TRERF1: variants seen among roughly 807,000 people sequenced by gnomAD.
The protein encoded by TRERF1 is transcriptional-regulating factor 1.
A neutral mutation model predicts 122.9 loss-of-function variants in TRERF1; 27 were observed. The ratio of observed to expected loss-of-function variants is 0.22; its 90% CI spans 0.16 to 0.30. The LOEUF is 0.30. TRERF1 is among the 10% of genes least tolerant of loss of function. The pLI is 1.00. For synonymous variants in TRERF1, 636 were observed against 641.7 expected (o/e 0.99, Z 0.13); for missense variants, 1,248 against 1,560.3 (o/e 0.80, Z 3.37).
Position 42,417,586 on chromosome 6 carries a change from G to A in TRERF1, c.-454+33591C>T, listed in dbSNP as rs73733194. 6.1e-3 allele frequency among the ~76,000 whole-genome samples: 923 copies of A among 152,268 alleles called. 8 individuals carry two copies. Among genetic ancestry groups the A allele is most frequent in the African/African-American group, 0.021 (892 of 41,520 alleles). On this transcript the variant is annotated intron_variant, in intron 2 of 17. Transcript: ENST00000372922. ...GTCCAAGGGTATAAAGAGGAGGAAC[G>A]ACTGGCCGGCCAGGAAACCCACATC...
chr6:42,410,464 T>C lies in TRERF1; in HGVS notation c.-454+40713A>G, dbSNP rs78510943. On this transcript the variant is annotated intron_variant, in intron 2 of 17. Coordinates refer to ENST00000372922, the Ensembl canonical transcript of TRERF1. ...GTACCTGATCTCAACACTCATTTTT[T>C]AAAGAGCCCATTCAGTGACCATAAA... Among the ~76,000 whole-genome samples, 1,230 of 152,282 alleles carry C rather than the reference T, an allele frequency of 8.1e-3. 15 individuals are homozygous for C. The highest frequency in any genetic ancestry group is 0.028 in the African/African-American group (1,181 of 41,544).
intron 3 of TRERF1, among the ~76,000 whole-genome samples, chr6:42,329,296 G>A (rs886086836): frequency 4.1e-4 from 62 of 152,088 alleles, no homozygotes; most frequent in Admixed American, 1.1e-3. Flanking sequence ...TGGCCAGGGT[G>A]GGGTGGGGGC....
At chr6:42,385,449 T>C (rs1205437853) in intron 2 of TRERF1, among the ~76,000 whole-genome samples, 2 of 152,204 alleles carry the variant, frequency 1.3e-5, no homozygotes, top group Non-Finnish European at 2.9e-5. Context: ...ACCCTGAAGT[T>C]ACGTGGACAG....
intron 2 of TRERF1, among the ~76,000 whole-genome samples, chr6:42,368,642 A>G (rs1773198196): frequency 6.6e-6 from 1 of 152,184 alleles, no homozygotes; most frequent in Non-Finnish European, 1.5e-5. Flanking sequence ...ACAAATAGAG[A>G]TGGCCCCAGG....
intron 4 of TRERF1, among the ~76,000 whole-genome samples, chr6:42,270,352 C>CA (rs1780002751): frequency 6.6e-6 from 1 of 152,192 alleles, no homozygotes; most frequent in African/African-American, 2.4e-5. Flanking sequence ...CTCAGTAGTT[C>CA]ATTGATTTGT....
At chr6:42,403,272 G>A (rs1180269477) in intron 2 of TRERF1, among the ~76,000 whole-genome samples, 1 of 152,112 alleles carries the variant, frequency 6.6e-6, no homozygotes, top group African/African-American at 2.4e-5. Flanking sequence ...ATCTTAGAAT[G>A]TGATTTTATT....
chr6:42,277,905 GGAAGAAGAA>G (rs70987587), intron 4 of TRERF1, among the ~76,000 whole-genome samples: 7,858 of 84,826 alleles, frequency 0.093, 431 homozygotes, highest in Admixed American at 0.1. Flanking sequence ...GAAGGAAGAA[GGAAGAAGAA>G]GAAGAAGAAG....
chr6:42,258,986 C>A (rs940770125), intron 9 of TRERF1, among the ~76,000 whole-genome samples: 2 of 152,124 alleles, frequency 1.3e-5, no homozygotes, highest in Admixed American at 6.6e-5. Context: ...CCACCCGCCT[C>A]GACCTCCGAA....
chr6:42,322,635 G>A (rs1010221771), intron 3 of TRERF1, among the ~76,000 whole-genome samples: 1 of 152,162 alleles, frequency 6.6e-6, no homozygotes, highest in Non-Finnish European at 1.5e-5. Context: ...AAGTTATAGA[G>A]GTGTGGGGAG....
intron 2 of TRERF1, among the ~76,000 whole-genome samples, chr6:42,375,349 C>G (rs1285599146): frequency 6.6e-6 from 1 of 152,222 alleles, no homozygotes; most frequent in African/African-American, 2.4e-5. Context: ...CCGGAGCCAC[C>G]CTTTGCTCAT....
At chr6:42,359,421 A>G (rs1417568563) in intron 3 of TRERF1, among the ~76,000 whole-genome samples, 1 of 152,208 alleles carries the variant, frequency 6.6e-6, no homozygotes, top group Non-Finnish European at 1.5e-5. Context: ...CAGAGCCTCC[A>G]GACTGAGAAT....
At chr6:42,396,908 T>C (rs1291234802) in intron 2 of TRERF1, among the ~76,000 whole-genome samples, 1 of 152,054 alleles carries the variant, frequency 6.6e-6, no homozygotes, top group Middle Eastern at 3.2e-3. Flanking sequence ...TACACACCCA[T>C]ACACACACCC....
intron 2 of TRERF1, among the ~76,000 whole-genome samples, chr6:42,445,722 C>T (rs1439183473): frequency 3.3e-5 from 5 of 152,088 alleles, no homozygotes; most frequent in South Asian, 4.1e-4. Flanking sequence ...CCCACAGCAG[C>T]CCTGCCCATT....
In TRERF1 at chr6:42,372,827, C is replaced by T. The variant is rs1310979015; in HGVS notation, c.-453-9748G>A. ...ATCCCAAGCAGTGGGCCAGCACACA[C>T]GTGGCACTGACCACAGGGTGGGTGG... On this transcript the variant is annotated intron_variant, in intron 2 of 17. Coordinates refer to ENST00000372922, the Ensembl canonical transcript of TRERF1. Among the ~76,000 whole-genome samples, 12 of 152,186 alleles carry T rather than the reference C, an allele frequency of 7.9e-5. No homozygotes were observed. In the East Asian group the frequency reaches 1.9e-3, roughly 24 times the overall value.
At chr6:42,423,727 A>T (rs1017919328) in intron 2 of TRERF1, among the ~76,000 whole-genome samples, 5 of 150,184 alleles carry the variant, frequency 3.3e-5, no homozygotes, top group Admixed American at 1.3e-4. Context: ...CGGGTTATTT[A>T]AAAAAAAAAG....
intron 2 of TRERF1, among the ~76,000 whole-genome samples, chr6:42,396,296 C>T (rs921943763): frequency 2.0e-5 from 3 of 152,152 alleles, no homozygotes; most frequent in African/African-American, 4.8e-5. Flanking sequence ...CCCCTTGCTC[C>T]GACCGACTGA....
chr6:42,367,876 A>C (rs1385875190), intron 2 of TRERF1, among the ~76,000 whole-genome samples: 1 of 151,932 alleles, frequency 6.6e-6, no homozygotes, highest in East Asian at 1.9e-4. Flanking sequence ...CCCATCCCCG[A>C]TCTGATCTCC....
chr6:42,249,046 A>G (rs1340303782), intron 13 of TRERF1, among the ~76,000 whole-genome samples: 1 of 152,226 alleles, frequency 6.6e-6, no homozygotes, highest in African/African-American at 2.4e-5. Context: ...GGAGTCAGAA[A>G]GATAATGATG....
Position 42,228,199 on chromosome 6 carries a change from G to C in TRERF1, c.*146C>G. On this transcript the variant is annotated 3_prime_UTR_variant, in exon 18 of 18. Transcript: ENST00000372922. The surrounding 1 kb of genome is among the most constrained non-coding windows in gnomAD (Gnocchi z 4.2). Reference sequence around the variant, plus strand: ...TTTTAAATAAAAGGAAAAGAAATAGGATTTTTTTTTCTAAACCTGAATAAA... The same window carrying C: ...TTTTAAATAAAAGGAAAAGAAATAGCATTTTTTTTTCTAAACCTGAATAAA... The C allele has an allele frequency of 1.4e-6, 1 of 703,664 alleles. No individual in the cohort carries two copies. The highest frequency in any genetic ancestry group is 2.1e-6 in the Non-Finnish European group (1 of 474,856). The allele number at this position is 703,664 out of a possible 1,614,324, so 43.6% of individuals were successfully genotyped here. A position where few individuals can be genotyped will look rare whatever the true frequency, so the allele number is the denominator to read the frequency against.
Sources: gnomAD v4.1 joint callset for allele counts (sites outside exome capture counted in the v4.1 genomes callset) on GRCh38, gnomAD v4.1.1 for gene constraint, Gnocchi (gnomAD v3.1) non-coding constraint, MANE v1.5 for transcripts, NCBI Gene and HGNC (gene_info 2026-07-23, HGNC 2026-07-21) for gene names.